The following DBNDD2 variants were observed in gnomAD, a reference collection of about 807,000 sequenced individuals.
DBNDD2 encodes dysbindin domain containing 2.
DBNDD2 carries 8 observed loss-of-function variants against 14.0 expected under a neutral mutation model. The ratio of observed to expected loss-of-function variants is 0.57; its 90% CI spans 0.33 to 1.03. The LOEUF is 1.03. Ranked by LOEUF, DBNDD2 falls within the 50% of genes least tolerant of loss-of-function variation. The pLI, the probability that DBNDD2 is intolerant of heterozygous loss-of-function variation, is 0.03. For synonymous variants in DBNDD2, 94 were observed against 85.3 expected, an observed-to-expected ratio of 1.10 and a Z score of -0.56; for missense variants, 194 against 206.0, an observed-to-expected ratio of 0.94 and a Z score of 0.36.
At position 45,408,338 on chromosome 20, in the gene DBNDD2, C is replaced by T. The variant is rs1370520006; in HGVS notation, c.-130C>T. The T allele has an allele frequency of 6.2e-7, 1 of 1,604,770 alleles. No individual in the cohort carries two copies. Among genetic ancestry groups the T allele is most frequent in the Non-Finnish European group, 8.5e-7 (1 of 1,175,772 alleles). ...AGAGGTCACCAAGGGCAGAGGTGTC[C>T]AGGCCGGAGCCAGGGGCCCCACTGT... On this transcript the variant is annotated 5_prime_UTR_variant, in exon 1 of 3. Coordinates refer to ENST00000372710, the MANE Select transcript of DBNDD2 (RefSeq NM_001048225.4).
At chr20:45,406,503 G>A (rs749547217), upstream of DBNDD2, 4 of 1,527,540 alleles carry the variant, frequency 2.6e-6, no homozygotes, top group African/African-American at 1.4e-5. Context: ...AGCCGCGCTC[G>A]CAGGGGCTGC....
upstream of DBNDD2, chr20:45,408,174 G>C: frequency 6.5e-7 from 1 of 1,548,946 alleles, no homozygotes; most frequent in Non-Finnish European, 8.7e-7. Context: ...GGAGAGTTGG[G>C]CATTGGCTGT....
chr20:45,410,330 T>G lies in DBNDD2; in HGVS notation c.*190T>G, dbSNP rs1989778278. On this transcript the variant is annotated 3_prime_UTR_variant, in exon 3 of 3. Coordinates refer to ENST00000372710, the MANE Select transcript of DBNDD2 (RefSeq NM_001048225.4). ...TGCTTTACTGCTAATTTTTTCCTGC[T>G]GCAACCCTCCCACCAGTTTTTGGCT... is the stretch of plus-strand genomic sequence containing the variant. The G allele has an allele frequency of 4.4e-6, 3 of 677,128 alleles. No homozygotes were observed. Among genetic ancestry groups the G allele is most frequent in the Non-Finnish European group, 7.3e-6 (3 of 410,354 alleles). 41.9% of individuals were successfully genotyped at this position (677,128 alleles called of 1,614,324 possible).
Position 45,409,936 on chromosome 20 carries a change from G to A in DBNDD2, c.282G>A (p.Met94Ile), listed in dbSNP as rs1289534738. Residue 94 changes from methionine to isoleucine, a missense_variant, in exon 3 of 3, where the codon ATG becomes ATA. Met to Ile is a conservative substitution (Grantham distance 10). Transcript: ENST00000372710. Reference protein sequence around the residue: ...DPPPTPQSSGMDNHLEELSLP... With the variant: ...DPPPTPQSSGIDNHLEELSLP... ...CCAGCTTTTCTCTCTGGGCAGGGAT[G>A]GACAACCATTTGGAGGAGCTGAGCC... The A allele has an allele frequency of 6.4e-7, 1 of 1,551,672 alleles. No individual in the cohort carries two copies. Among genetic ancestry groups the A allele is most frequent in the South Asian group, 1.2e-5 (1 of 84,064 alleles).
upstream of DBNDD2, chr20:45,407,657 G>A (rs1473541895): frequency 2.0e-6 from 2 of 990,568 alleles, no homozygotes; most frequent in South Asian, 4.6e-5. Flanking sequence ...TGACTAATGG[G>A]GAGATAAGTC....
intron 2 of DBNDD2, chr20:45,409,143 T>C (rs1410350284): frequency 1.2e-6 from 1 of 822,412 alleles, no homozygotes; most frequent in Non-Finnish European, 1.8e-6. Context: ...AATCCAAAAT[T>C]CTGGGAACGG....
rs1989773138 is a variant in DBNDD2, at chr20:45,410,205, C to G, written c.*65C>G. 1 of 1,524,716 alleles carries G rather than the reference C, an allele frequency of 6.6e-7. No homozygotes were observed. The highest frequency in any genetic ancestry group is 2.0e-5 in the Admixed American group (1 of 50,598). 94.4% of individuals were successfully genotyped at this position (1,524,716 alleles called of 1,614,324 possible). A position where few individuals can be genotyped will look rare whatever the true frequency, so the allele number is the denominator to read the frequency against. ...CTCCACATGAGACCACAGGCCCAGCCAGAGCCTGTCGGGAGAAGACCAGAC... is the reference window on the plus strand; with the variant it reads ...CTCCACATGAGACCACAGGCCCAGCGAGAGCCTGTCGGGAGAAGACCAGAC... On this transcript the variant is annotated 3_prime_UTR_variant, in exon 3 of 3. Coordinates refer to ENST00000372710, the MANE Select transcript of DBNDD2 (RefSeq NM_001048225.4).
At position 45,408,601 on chromosome 20, in the gene DBNDD2, A is replaced by C. The variant is rs547812276; in HGVS notation, c.134A>C (p.Gln45Pro). The change falls in exon 1 of 3, where the codon CAG becomes CCG. Residue 45 changes from glutamine (Q) to proline (P), a missense_variant. Gln to Pro is a moderately conservative substitution (Grantham distance 76, BLOSUM62 -1). Transcript: ENST00000372710. ...FPLSHLHLES[Q>P]RPPIGSISSM... Reference sequence around the variant, plus strand: ...CTGTCCCATCTGCATCTCGAGTCGCAGAGACGTAAGTCCCAAGTCCTGAGA... The same window carrying C: ...CTGTCCCATCTGCATCTCGAGTCGCCGAGACGTAAGTCCCAAGTCCTGAGA... The C allele has an allele frequency of 3.2e-4, 513 of 1,612,956 alleles. 8 individuals carry two copies. In the South Asian group the frequency reaches 5.3e-3, roughly 17 times the overall value.
At position 45,408,556 on chromosome 20, in the gene DBNDD2, A is replaced by T; in HGVS notation, c.89A>T (p.Glu30Val). The change falls in exon 1 of 3, where the codon GAG becomes GTG. Residue 30 changes from glutamate to valine, a missense_variant. Physicochemically the swap from Glu to Val is moderately radical, Grantham distance 121 (BLOSUM62 -2). Transcript: ENST00000372710. ...TTCTTCGAGGACATTTTACAGCCAG[A>T]GACAGAGTTTGTCTTTCCTCTGTCC... Reference protein sequence around the residue: ...QKFFEDILQPETEFVFPLSHL... With the variant: ...QKFFEDILQPVTEFVFPLSHL... 6.2e-7 allele frequency: 1 copy of T among 1,614,250 alleles called. No individual in the cohort carries two copies. Among genetic ancestry groups the T allele is most frequent in the East Asian group, 2.2e-5 (1 of 44,886 alleles).
upstream of DBNDD2, chr20:45,406,354 G>T: frequency 1.7e-6 from 2 of 1,182,736 alleles, no homozygotes; most frequent in South Asian, 1.6e-5. Context: ...TGCGCGGGGC[G>T]GGGGCGCAGC....
rs1332549776 is a variant in DBNDD2 at position 45,408,422 on chromosome 20, A to T, written c.-46A>T. The T allele has an allele frequency of 6.2e-7, 1 of 1,614,148 alleles. No homozygotes were observed. The highest frequency in any genetic ancestry group is 2.2e-5 in the East Asian group (1 of 44,874). On this transcript the variant is annotated 5_prime_UTR_variant, in exon 1 of 3. Coordinates refer to ENST00000372710, the MANE Select transcript of DBNDD2 (RefSeq NM_001048225.4). ...CAGGTCCCCTCTGTCTTCTCTTTCG[A>T]CTTTGCAGCTGTACTTGTTTTGCTC...
At chr20:45,409,167 T>C (rs995728558) in intron 2 of DBNDD2, 5 of 622,856 alleles carry the variant, frequency 8.0e-6, no homozygotes, top group Non-Finnish European at 1.3e-5. Flanking sequence ...ATCTCTTCTT[T>C]AATTTTACAT....
rs2741600 is a variant in DBNDD2, at chr20:45,408,817, C to T, written c.156C>T (p.Ile52=). Residue 52 remains isoleucine, a synonymous_variant, in exon 2 of 3, where the codon ATC becomes ATT. Transcript: ENST00000372710. ...GATCCGCAGCCCCCATAGGTAGTATCTCATCCATGGAAGTGAATGTGGACA... is the reference window on the plus strand; with the variant it reads ...GATCCGCAGCCCCCATAGGTAGTATTTCATCCATGGAAGTGAATGTGGACA... ...LESQRPPIGS[I]SSMEVNVDTL... The T allele has an allele frequency of 1.2e-6, 2 of 1,614,192 alleles. No individual in the cohort carries two copies. The highest frequency in any genetic ancestry group is 1.1e-5 in the South Asian group (1 of 91,086).
upstream of DBNDD2, chr20:45,406,319 C>T (rs146629290): frequency 3.2e-3 from 2,550 of 789,884 alleles, 49 homozygotes; most frequent in African/African-American, 0.041. Flanking sequence ...GTGGGCAGAA[C>T]CGGCGCGGGC....
rs753446087 is a variant in DBNDD2, at chr20:45,409,997, ACCTCCT to A, written c.358_363del (p.Ser120_Ser121del). On this transcript the variant is annotated inframe_deletion, in exon 3 of 3. Transcript: ENST00000372710. ...TACATCAGACAGGACCACATCTAGGACCTCCTCCTCCTCCTCCTCCGACTCCTCCAC... is the reference window on the plus strand; with the variant it reads ...TACATCAGACAGGACCACATCTAGGACCTCCTCCTCCTCCGACTCCTCCAC... 4.5e-6 allele frequency: 7 copies of A among 1,550,590 alleles called. No individual in the cohort carries two copies. The highest frequency in any genetic ancestry group is 4.9e-5 in the East Asian group (2 of 40,906).
chr20:45,407,703 G>A, upstream of DBNDD2: 1 of 994,834 alleles, frequency 1.0e-6, no homozygotes, highest in South Asian at 4.5e-5. Flanking sequence ...CGCATAAAGA[G>A]CTGTTGGAGT....
upstream of DBNDD2, chr20:45,406,524 C>A: frequency 6.6e-7 from 1 of 1,521,906 alleles, no homozygotes; most frequent in East Asian, 2.8e-5. Flanking sequence ...CTCCGACCGC[C>A]GGGCGAGCTG....
chr20:45,408,842 A>C lies in DBNDD2; in HGVS notation c.181A>C (p.Thr61Pro). Residue 61 changes from threonine to proline, a missense_variant, in exon 2 of 3, where the codon ACA (threonine) becomes CCA (proline). Transcript: ENST00000372710. ...SISSMEVNVD[T>P]LEQVELIDLG... is the part of the protein sequence containing the mutation. ...CTCATCCATGGAAGTGAATGTGGAC[A>C]CACTGGAGCAAGTAGAACTTATTGA... is the stretch of plus-strand genomic sequence containing the variant. The C allele has an allele frequency of 6.2e-7, 1 of 1,614,222 alleles. No individual in the cohort carries two copies. Among genetic ancestry groups the C allele is most frequent in the Non-Finnish European group, 8.5e-7 (1 of 1,180,038 alleles).
At chr20:45,406,646 C>T, upstream of DBNDD2, 1 of 1,356,258 alleles carries the variant, frequency 7.4e-7, no homozygotes, top group Non-Finnish European at 9.5e-7. Context: ...CGCAGCCCCA[C>T]CCCGGCCGGC....
Sources: gnomAD v4.1 joint callset for allele counts on GRCh38, gnomAD v4.1.1 for gene constraint, MANE v1.5 for transcripts, NCBI Gene and HGNC (gene_info 2026-07-23, HGNC 2026-07-21) for gene names.